The following C7 variants were observed in gnomAD, a reference collection of about 807,000 sequenced individuals.
C7 encodes complement component C7.
Under a neutral mutation model 104.8 loss-of-function variants are expected in C7, and 83 were observed. The ratio of observed to expected loss-of-function variants is 0.79; its 90% confidence interval spans 0.66 to 0.95. C7 has a LOEUF of 0.95. C7 is among the 40% of genes least tolerant of loss of function. C7 has a pLI of 0.00. For synonymous variants in C7, 415 were observed against 360.6 expected (o/e 1.15, Z -1.71); for missense variants, 1,070 against 1,011.2 (o/e 1.06, Z -0.79).
intron 1 of C7, among the ~76,000 whole-genome samples, chr5:40,913,314 T>C (rs1418974869): frequency 6.6e-6 from 1 of 152,182 alleles, no homozygotes; most frequent in African/African-American, 2.4e-5. Flanking sequence ...TTTGGGTAGA[T>C]ACCCAGTAGT....
chr5:40,935,394 T>C (rs748562771), intron 4 of C7, among the ~76,000 whole-genome samples: 2 of 152,176 alleles, frequency 1.3e-5, no homozygotes, highest in Non-Finnish European at 2.9e-5. Context: ...GTTTGCTGCA[T>C]TGGATTGAGT....
At chr5:40,959,856 A>G (rs958425202) in intron 12 of C7, among the ~76,000 whole-genome samples, 4 of 152,184 alleles carry the variant, frequency 2.6e-5, no homozygotes, top group Non-Finnish European at 4.4e-5. Context: ...TGCTGAGTGG[A>G]TACGATCATT....
Position 40,913,610 on chromosome 5 carries a change from T to C in C7, c.6+3994T>C, listed in dbSNP as rs181747171. Among the ~76,000 whole-genome samples the C allele has an allele frequency of 2.0e-4, 30 of 152,294 alleles. 3 individuals are homozygous for C. The East Asian group carries it at 2.5e-3, about 13-fold the overall frequency. On this transcript the variant is annotated intron_variant, in intron 1 of 17. Coordinates refer to ENST00000313164, the MANE Select transcript of C7 (RefSeq NM_000587.4). The stretch of plus-strand genomic sequence containing the variant: ...CCTGGGCTCAAGTGATCCTCCTGCT[T>C]CAGCCTCCTGAGTAGCTGGCACTAT...
At chr5:40,947,917 G>A (rs529547249) in intron 8 of C7, 72 bp downstream of exon 8, 1 of 1,432,554 alleles carries the variant, frequency 7.0e-7, no homozygotes, top group Admixed American at 2.1e-5. Flanking sequence ...TGTAGTTAAT[G>A]TAAGCTTTTG....
At chr5:40,916,716 A>T (rs960909988) in intron 1 of C7, among the ~76,000 whole-genome samples, 60 of 151,850 alleles carry the variant, frequency 4.0e-4, no homozygotes, top group African/African-American at 8.7e-4. Flanking sequence ...TTTTTTTTTT[A>T]AAAAAGCATT....
intron 13 of C7, among the ~76,000 whole-genome samples, chr5:40,963,803 C>T (rs1297339704): frequency 6.6e-6 from 1 of 152,090 alleles, no homozygotes; most frequent in Non-Finnish European, 1.5e-5. Context: ...GTTAGTGAAA[C>T]GTTCTTGAAT....
chr5:40,936,568 G>C, intron 5 of C7, 83 bp downstream of exon 5: 3 of 1,288,604 alleles, frequency 2.3e-6, no homozygotes, highest in Non-Finnish European at 3.2e-6. Flanking sequence ...GTAAGTCTAC[G>C]AACAAGTCTT....
chr5:40,937,585 A>G lies in C7; in HGVS notation c.462A>G (p.Arg154=). 1 of 1,612,352 alleles carries G rather than the reference A, an allele frequency of 6.2e-7. No individual in the cohort carries two copies. Among genetic ancestry groups the G allele is most frequent in the Non-Finnish European group, 8.5e-7 (1 of 1,178,978 alleles). ...YNELTGQFRN[R]VINTKSFGGQ... The stretch of plus-strand genomic sequence containing the variant: ...AACTCACTGGCCAGTTTAGGAACAG[A>G]GTCATCAATACCAAAAGTTTTGGTG... Residue 154 remains arginine (R), a synonymous_variant, in exon 6 of 18, where the codon AGA becomes AGG. Coordinates refer to ENST00000313164, the MANE Select transcript of C7 (RefSeq NM_000587.4).
At chr5:40,928,682 T>A (rs961418342) in intron 2 of C7, 47 bp downstream of exon 2, 1 of 1,237,314 alleles carries the variant, frequency 8.1e-7, no homozygotes, top group African/African-American at 1.5e-5. Flanking sequence ...ATTTAAAAAA[T>A]GTTTTAGTAA....
chr5:40,920,217 TC>T lies in C7; in HGVS notation c.7-8361del, dbSNP rs539863764. ...GGTTAAATTCTTCTGTTCATTTAGG[TC>T]CTGTAAAGTGTTTCTGTAAAGTGTT... On this transcript the variant is annotated intron_variant, in intron 1 of 17. Coordinates refer to ENST00000313164, the MANE Select transcript of C7 (RefSeq NM_000587.4). Among the ~76,000 whole-genome samples, 59 of 150,254 alleles carry T rather than the reference TC, an allele frequency of 3.9e-4. 1 individual carries two copies. The highest frequency in any genetic ancestry group is 1.4e-3 in the African/African-American group (58 of 41,462).
At chr5:40,941,804 G>A (rs1289652983) in intron 6 of C7, among the ~76,000 whole-genome samples, 3 of 152,188 alleles carry the variant, frequency 2.0e-5, no homozygotes, top group African/African-American at 7.2e-5. Flanking sequence ...TCCAGTTTAG[G>A]TATCTAAAGT....
In C7 at chr5:40,974,660, C is replaced by T. The variant is rs949039442; in HGVS notation, c.2074+2066C>T. Among the ~76,000 whole-genome samples, 8 of 152,104 alleles carry T rather than the reference C, an allele frequency of 5.3e-5. 1 individual carries two copies. Among genetic ancestry groups the T allele is most frequent in the Admixed American group, 2.0e-4 (3 of 15,266 alleles). ...GTCCCGATCTCCTGACCTCATGATC[C>T]GCCCGCCTCGGCCTCCCAAAGTACT... On this transcript the variant is annotated intron_variant, in intron 15 of 17. Transcript: ENST00000313164.
At chr5:40,929,184 A>T (rs1739621773) in intron 2 of C7, among the ~76,000 whole-genome samples, 1 of 152,292 alleles carries the variant, frequency 6.6e-6, no homozygotes, top group South Asian at 2.1e-4. Context: ...GGGATACCAC[A>T]AGGAGCAAGA....
chr5:40,930,616 G>A (rs1739661303), intron 2 of C7, among the ~76,000 whole-genome samples: 1 of 152,088 alleles, frequency 6.6e-6, no homozygotes. Context: ...AGGCTGGAGT[G>A]CAGTGGTGCA....
In C7 at chr5:40,959,471, T is replaced by G. The variant is rs1393622134; in HGVS notation, c.1512T>G (p.Ser504Arg). Residue 504 changes from serine to arginine, a missense_variant, in exon 12 of 18, where the codon AGT becomes AGG. Ser to Arg is a moderately radical substitution (Grantham distance 110, BLOSUM62 -1). Coordinates refer to ENST00000313164, the MANE Select transcript of C7 (RefSeq NM_000587.4). ...TAGGAGGGGTTGATGGAGGTTGGAG[T>G]TGCTGGTCCTCTTGGAGCCCCTGTG... ...NQAGGVDGGW[S>R]CWSSWSPCVQ... The G allele has an allele frequency of 1.9e-6, 3 of 1,610,812 alleles. No homozygotes were observed. The African/African-American group carries it at 4.0e-5, about 22-fold the overall frequency.
At chr5:40,914,867 T>C (rs1739287370) in intron 1 of C7, among the ~76,000 whole-genome samples, 1 of 152,090 alleles carries the variant, frequency 6.6e-6, no homozygotes, top group African/African-American at 2.4e-5. Context: ...AACCCAGCAG[T>C]ATCAGTTACA....
At position 40,947,700 on chromosome 5, in the gene C7, G is replaced by A; in HGVS notation, c.837G>A (p.Glu279=). 6.2e-7 allele frequency: 1 copy of A among 1,613,754 alleles called. No homozygotes were observed. Among genetic ancestry groups the A allele is most frequent in the East Asian group, 2.2e-5 (1 of 44,866 alleles). ...FLQLAEPFWK[E]LSHLPSLYDY... ...AACTTGCTGAGCCATTCTGGAAGGA[G>A]CTTTCCCACCTCCCCTCTCTGTATG... The change falls in exon 8 of 18, where the codon GAG becomes GAA. Residue 279 remains glutamate, a synonymous_variant. Transcript: ENST00000313164.
intron 1 of C7, chr5:40,911,012 T>G (rs1739196764): frequency 6.6e-6 from 1 of 152,170 alleles, no homozygotes; most frequent in South Asian, 2.1e-4. Flanking sequence ...ATCCTTTAAT[T>G]AGTTGACAAA....
intron 3 of C7, among the ~76,000 whole-genome samples, chr5:40,932,862 C>T (rs574680628): frequency 3.3e-5 from 5 of 151,896 alleles, no homozygotes; most frequent in Non-Finnish European, 7.4e-5. Context: ...AATTTTCATT[C>T]AGAAAGAGAC....
Sources: gnomAD v4.1 joint callset for allele counts (sites outside exome capture counted in the v4.1 genomes callset) on GRCh38, gnomAD v4.1.1 for gene constraint, MANE v1.5 for transcripts, NCBI Gene and HGNC (gene_info 2026-07-23, HGNC 2026-07-21) for gene names.